Variants in EML6 observed in about 807,000 individuals in gnomAD.
EML6 encodes the protein EMAP like 6, also known as echinoderm microtubule-associated protein-like 6.
A neutral mutation model predicts 240.1 loss-of-function variants in EML6; 154 were observed. That is an observed-to-expected ratio of 0.64 (90% CI 0.56 to 0.73). The LOEUF is 0.73. EML6 is among the 30% of genes least tolerant of loss of function. EML6 has a pLI of 0.00. For synonymous variants in EML6, 1,148 were observed against 899.0 expected (o/e 1.28, Z -4.95); for missense variants, 2,964 against 2,474.6 (o/e 1.20, Z -4.20).
chr2:54,928,276 C>G (rs1232513015), intron 26 of EML6, 37 bp from the exon 27 acceptor site: 17 of 1,474,126 alleles, frequency 1.2e-5, no homozygotes, highest in South Asian at 2.4e-5. Context: ...AAAGGAATAA[C>G]AGTGGCTGGG....
intron 2 of EML6, chr2:54,748,248 C>T (rs867700195): frequency 7.2e-5 from 11 of 152,076 alleles, no homozygotes; most frequent in Non-Finnish European, 1.3e-4. Context: ...CCTTTTCATA[C>T]GAAAAGATTT....
rs189974416 is a variant in EML6, at chr2:54,837,006, G to A, written c.848-7041G>A. On this transcript the variant is annotated intron_variant, in intron 7 of 41. Coordinates refer to ENST00000356458, the MANE Select transcript of EML6 (RefSeq NM_001039753.4). ...CCCCTTCCTGAGGGGCTGCAAGGGC[G>A]GGGGGTTTTGAAGATCTCTGCTGTC... 3.1e-4 allele frequency among the ~76,000 whole-genome samples: 47 copies of A among 152,258 alleles called. No individual in the cohort carries two copies. The East Asian group carries it at 6.4e-3, about 21-fold the overall frequency.
chr2:54,888,342 G>C (rs1160999519), intron 17 of EML6, among the ~76,000 whole-genome samples: 1 of 152,152 alleles, frequency 6.6e-6, no homozygotes, highest in African/African-American at 2.4e-5. Flanking sequence ...TGGTTCATCT[G>C]GGCATGATCA....
intron 8 of EML6, among the ~76,000 whole-genome samples, chr2:54,845,390 G>A (rs1669694197): frequency 6.6e-6 from 1 of 152,180 alleles, no homozygotes; most frequent in Non-Finnish European, 1.5e-5. Flanking sequence ...GTGATTTCAA[G>A]GAAGTCCTTC....
At chr2:54,857,285 T>A (rs569831166) in intron 11 of EML6, among the ~76,000 whole-genome samples, 1 of 152,172 alleles carries the variant, frequency 6.6e-6, no homozygotes, top group South Asian at 2.1e-4. Flanking sequence ...TTGACAGCAC[T>A]TTAAAGCCAT....
rs111237264 is a variant in EML6 at position 54,943,918 on chromosome 2, A to G, written c.4005-4964A>G. Among the ~76,000 whole-genome samples the G allele has an allele frequency of 2.2e-3, 331 of 152,352 alleles. 2 individuals are homozygous for G. Among genetic ancestry groups the G allele is most frequent in the Non-Finnish European group, 3.6e-3 (243 of 68,024 alleles). ...TTGAAAGCCACATGTGGCATTGGCT[A>G]CTGAATTGGACAGTGCGTGTTAGAG... On this transcript the variant is annotated intron_variant, in intron 28 of 41. Transcript: ENST00000356458.
intron 2 of EML6, among the ~76,000 whole-genome samples, chr2:54,786,482 C>A (rs542330681): frequency 2.0e-5 from 3 of 152,152 alleles, no homozygotes; most frequent in African/African-American, 4.8e-5. Flanking sequence ...GGGTCCCCTC[C>A]CCTGCTCAAG....
chr2:54,892,577 T>G lies in EML6; in HGVS notation c.2663T>G (p.Phe888Cys). Residue 888 changes from phenylalanine (F) to cysteine (C), a missense_variant, in exon 19 of 42, where the codon TTT becomes TGT. Transcript: ENST00000356458. Reference sequence around the variant, plus strand: ...TCAGGAGCAGCTACTGGAGATATTTTTATTTGGAAAGACATTCTACTACTG... The same window carrying G: ...TCAGGAGCAGCTACTGGAGATATTTGTATTTGGAAAGACATTCTACTACTG... ...VFSGAATGDIFIWKDILLLKT... is the reference protein window; with the variant it reads ...VFSGAATGDICIWKDILLLKT... The G allele has an allele frequency of 1.3e-6, 2 of 1,551,698 alleles. No homozygotes were observed. Among genetic ancestry groups the G allele is most frequent in the South Asian group, 2.4e-5 (2 of 84,056 alleles).
At chr2:54,895,832 C>A (rs958409720) in intron 21 of EML6, among the ~76,000 whole-genome samples, 12 of 152,176 alleles carry the variant, frequency 7.9e-5, no homozygotes, top group Non-Finnish European at 1.3e-4. Flanking sequence ...CAGAGGCTGC[C>A]CACAGTTCCT....
In EML6 at chr2:54,726,008, A is replaced by G. The variant is rs557096581; in HGVS notation, c.197+750A>G. 2.1e-4 allele frequency among the ~76,000 whole-genome samples: 32 copies of G among 152,292 alleles called. 1 individual carries two copies. The South Asian group carries it at 6.2e-3, about 30-fold the overall frequency. On this transcript the variant is annotated intron_variant, in intron 2 of 41. Coordinates refer to ENST00000356458, the MANE Select transcript of EML6 (RefSeq NM_001039753.4). ...TTTAGGGGCCCTCCCGATTAAATGGAAAGGGGTTATATTGTGATTCTTGGC... is the reference window on the plus strand; with the variant it reads ...TTTAGGGGCCCTCCCGATTAAATGGGAAGGGGTTATATTGTGATTCTTGGC...
At chr2:54,777,755 G>C (rs1668664410) in intron 2 of EML6, among the ~76,000 whole-genome samples, 2 of 152,184 alleles carry the variant, frequency 1.3e-5, no homozygotes, top group South Asian at 4.1e-4. Flanking sequence ...GGTACATGGA[G>C]TGTTACATTA....
chr2:54,916,959 T>A (rs1055804482), intron 26 of EML6, 24 bp downstream of exon 26: 1 of 1,507,068 alleles, frequency 6.6e-7, no homozygotes, highest in Non-Finnish European at 9.0e-7. Context: ...TTTATTATCT[T>A]TACTTGCTCA....
In EML6 at chr2:54,813,295, A is replaced by T. The variant is rs1271291672; in HGVS notation, c.261A>T (p.Ile87=). 7 of 1,550,340 alleles carry T rather than the reference A, an allele frequency of 4.5e-6. No individual in the cohort carries two copies. Among genetic ancestry groups the T allele is most frequent in the Non-Finnish European group, 6.1e-6 (7 of 1,145,834 alleles). ...GCCAAGTCGGGAAGGAGCCATATAT[A>T]TGCATATGGGATTCCTATAATGTCC... ...ATGQVGKEPY[I]CIWDSYNVQT... The change falls in exon 3 of 42, where the codon ATA becomes ATT. Residue 87 remains isoleucine (I), a synonymous_variant. Coordinates refer to ENST00000356458, the MANE Select transcript of EML6 (RefSeq NM_001039753.4).
In EML6 at chr2:54,888,562, C is replaced by T. The variant is rs191447886; in HGVS notation, c.2439-2492C>T. On this transcript the variant is annotated intron_variant, in intron 17 of 41. Transcript: ENST00000356458. ...TACTGTGGCAACCACTAATTTTTTA[C>T]CCATGTTAGTAGTTTTTACCTTTTC... 2.5e-4 allele frequency among the ~76,000 whole-genome samples: 38 copies of T among 152,276 alleles called. No individual in the cohort carries two copies. In the East Asian group the frequency reaches 3.5e-3, roughly 14 times the overall value.
In EML6 at chr2:54,957,819, C is replaced by T; in HGVS notation, c.4516C>T (p.Leu1506=). 6.5e-7 allele frequency: 1 copy of T among 1,550,102 alleles called. No homozygotes were observed. Among genetic ancestry groups the T allele is most frequent in the Non-Finnish European group, 8.7e-7 (1 of 1,147,000 alleles). ...GAKVASRGGH[L]ERIFVVEFRP... is the part of the protein sequence containing the mutation. ...CAAGGTTGCCAGCCGAGGGGGTCAC[C>T]TGGAGCGCATATTTGTGGTGGAATT... is the stretch of plus-strand genomic sequence containing the variant. Residue 1506 remains leucine, a synonymous_variant, in exon 33 of 42, where the codon CTG becomes TTG. Coordinates refer to ENST00000356458, the MANE Select transcript of EML6 (RefSeq NM_001039753.4).
chr2:54,817,371 C>T (rs976993136), intron 4 of EML6, among the ~76,000 whole-genome samples: 1 of 152,122 alleles, frequency 6.6e-6, no homozygotes, highest in African/African-American at 2.4e-5. Flanking sequence ...TCCATGTAGT[C>T]TTAGGGGATG....
In EML6 at chr2:54,850,074, G is replaced by A. The variant is rs1414525194; in HGVS notation, c.1300G>A (p.Val434Ile). The change falls in exon 10 of 42, where the codon GTC becomes ATC. Residue 434 changes from valine to isoleucine, a missense_variant. By Grantham distance (29) the Val-to-Ile change is conservative. Transcript: ENST00000356458. The part of the protein sequence containing the change: ...AVGSNDGPVD[V>I]YAVAQRYKKI... ...GGGATCCAATGATGGCCCAGTAGATGTCTATGCTGTTGCCCAGAGGTATAA... is the reference window on the plus strand; with the variant it reads ...GGGATCCAATGATGGCCCAGTAGATATCTATGCTGTTGCCCAGAGGTATAA... 1.9e-6 allele frequency: 3 copies of A among 1,552,000 alleles called. No individual in the cohort carries two copies. The African/African-American group carries it at 4.1e-5, about 21-fold the overall frequency.
At chr2:54,743,013 C>T (rs1455313121) in intron 2 of EML6, among the ~76,000 whole-genome samples, 1 of 152,168 alleles carries the variant, frequency 6.6e-6, no homozygotes, top group Non-Finnish European at 1.5e-5. Flanking sequence ...TAACTAAAGA[C>T]CAAAATGCTT....
At chr2:54,862,022 T>G (rs557484495) in intron 12 of EML6, among the ~76,000 whole-genome samples, 42 of 152,114 alleles carry the variant, frequency 2.8e-4, no homozygotes, top group African/African-American at 9.4e-4. Flanking sequence ...TCAATGAGTT[T>G]TGGTACTTTT....
Sources: allele counts gnomAD v4.1 joint callset (sites outside exome capture counted in the v4.1 genomes callset), GRCh38; gene constraint gnomAD v4.1.1; transcripts MANE v1.5; gene names NCBI Gene and HGNC (gene_info 2026-07-23, HGNC 2026-07-21).